The following CIP2A variants were observed in gnomAD, a reference collection of about 807,000 sequenced individuals.
CIP2A encodes protein CIP2A.
CIP2A carries 103 observed loss-of-function variants against 110.9 expected under a neutral mutation model. The ratio of observed to expected loss-of-function variants is 0.93; its 90% CI spans 0.79 to 1.09. The LOEUF is 1.09. CIP2A is among the 50% of genes least tolerant of loss of function. The pLI is 0.00. For missense variants in CIP2A, 1,088 were observed against 1,038.4 expected, an observed-to-expected ratio of 1.05 and a Z score of -0.66; for synonymous variants, 381 against 361.6, an observed-to-expected ratio of 1.05 and a Z score of -0.61.
intron 9 of CIP2A, 68 bp from the exon 10 acceptor site, chr3:108,568,382 C>T: frequency 7.5e-7 from 1 of 1,330,570 alleles, no homozygotes; most frequent in Non-Finnish European, 1.1e-6. Context: ...AAAGTCATCA[C>T]TGAATTGTAA....
chr3:108,555,706 C>T (rs1337990640), intron 17 of CIP2A, among the ~76,000 whole-genome samples: 1 of 152,220 alleles, frequency 6.6e-6, no homozygotes, highest in Non-Finnish European at 1.5e-5. Context: ...AGCTGCTCTT[C>T]CTTAACCAAC....
chr3:108,586,776 C>T (rs1174228329), intron 1 of CIP2A, among the ~76,000 whole-genome samples: 1 of 152,130 alleles, frequency 6.6e-6, no homozygotes, highest in Non-Finnish European at 1.5e-5. Flanking sequence ...TTAATCACTA[C>T]ACAAAATTAG....
chr3:108,554,437 GA>G lies in CIP2A; in HGVS notation c.2262del (p.Leu755Ter). ...KNKDLQITCD[S>X]LNKQIETVKK... ...TTCACTGTCTCAATTTGTTTATTCA[GA>G]GAATCACATGTGATCTGTAAATCTT... On this transcript the variant is annotated frameshift_variant, in exon 18 of 21. Transcript: ENST00000295746. LOFTEE classifies it high-confidence loss of function. 1 of 1,565,258 alleles carries G rather than the reference GA, an allele frequency of 6.4e-7. No individual in the cohort carries two copies. The highest frequency in any genetic ancestry group is 8.8e-7 in the Non-Finnish European group (1 of 1,141,010).
chr3:108,557,913 A>G (rs1369326491), intron 16 of CIP2A, among the ~76,000 whole-genome samples: 1 of 152,148 alleles, frequency 6.6e-6, no homozygotes, highest in African/African-American at 2.4e-5. Context: ...AACACTAAAA[A>G]AGCAGAAAAG....
intron 10 of CIP2A, 55 bp from the exon 11 acceptor site, chr3:108,566,693 T>A: frequency 8.7e-7 from 1 of 1,143,928 alleles, no homozygotes. Flanking sequence ...GTGTAAAAGA[T>A]AACATTCAGG....
chr3:108,557,274 C>T lies in CIP2A; in HGVS notation c.2154G>A (p.Glu718=). ...EHLFQHNRKL[E]SVAEEHEILT... is the part of the protein sequence containing the mutation. The stretch of plus-strand genomic sequence containing the variant: ...GTATTTCATGTTCTTCAGCCACAGA[C>T]TCTAACTTCCTATTATGTTGAAAGA... The change falls in exon 17 of 21, where the codon GAG becomes GAA. Residue 718 remains glutamate (E), a synonymous_variant. Coordinates refer to ENST00000295746, the MANE Select transcript of CIP2A (RefSeq NM_020890.3). 10 of 1,609,606 alleles carry T rather than the reference C, an allele frequency of 6.2e-6. No homozygotes were observed. Among genetic ancestry groups the T allele is most frequent in the Non-Finnish European group, 8.5e-6 (10 of 1,177,044 alleles).
chr3:108,569,562 G>C lies in CIP2A; in HGVS notation c.940C>G (p.His314Asp). The part of the protein sequence containing the change: ...LAFCSVTQLR[H>D]MLTQMMFEQS... ...TCAAACATCATCTGAGTGAGCATATGGCGCAGCTGAGTCACTGAACAGAAG... is the reference window on the plus strand; with the variant it reads ...TCAAACATCATCTGAGTGAGCATATCGCGCAGCTGAGTCACTGAACAGAAG... The change falls in exon 9 of 21, where the codon CAT (histidine) becomes GAT (aspartate). Residue 314 changes from histidine to aspartate, a missense_variant. By Grantham distance (81) the His-to-Asp change is moderately conservative. Coordinates refer to ENST00000295746, the MANE Select transcript of CIP2A (RefSeq NM_020890.3). 1 of 1,612,718 alleles carries C rather than the reference G, an allele frequency of 6.2e-7. No homozygotes were observed. The highest frequency in any genetic ancestry group is 8.5e-7 in the Non-Finnish European group (1 of 1,179,236).
chr3:108,575,519 C>CACATGTGT, intron 8 of CIP2A, among the ~76,000 whole-genome samples: 1 of 41,662 alleles, frequency 2.4e-5, no homozygotes, highest in Non-Finnish European at 6.2e-5. Context: ...TATACACATA[C>CACATGTGT]ATATATACAC....
At chr3:108,569,196 C>A (rs1938298474) in intron 9 of CIP2A, among the ~76,000 whole-genome samples, 193 bp downstream of exon 9, 1 of 4,362 alleles carries the variant, frequency 2.3e-4, no homozygotes. Context: ...ACACACTACT[C>A]AGTGAAAAAA....
Position 108,560,736 on chromosome 3 carries a change from T to G in CIP2A, c.1740A>C (p.Ser580=). ...WQSSNHSFPT[S]IKCLTPHLKD... is the part of the protein sequence containing the mutation. ...TCAAATGAGGAGTTAAACACTTTAT[T>G]GATGTTGGAAAACTGTGATTTGATG... The change falls in exon 14 of 21, where the codon TCA becomes TCC. Residue 580 remains serine, a synonymous_variant. Coordinates refer to ENST00000295746, the MANE Select transcript of CIP2A (RefSeq NM_020890.3). 2 of 1,612,398 alleles carry G rather than the reference T, an allele frequency of 1.2e-6. No homozygotes were observed. Among genetic ancestry groups the G allele is most frequent in the Non-Finnish European group, 1.7e-6 (2 of 1,178,646 alleles).
chr3:108,582,694 T>C (rs1049688436), intron 3 of CIP2A, among the ~76,000 whole-genome samples: 1 of 152,210 alleles, frequency 6.6e-6, no homozygotes, highest in Non-Finnish European at 1.5e-5. Context: ...TTAATATAAA[T>C]AGCTTATGTC....
At chr3:108,563,341 C>A in intron 12 of CIP2A, 97 bp from the exon 13 acceptor site, 1 of 734,674 alleles carries the variant, frequency 1.4e-6, no homozygotes, top group South Asian at 1.7e-5. Flanking sequence ...AATCTTAATT[C>A]TAGGCAAATT....
At position 108,579,132 on chromosome 3, in the gene CIP2A, G is replaced by A. The variant is rs1335433173; in HGVS notation, c.818+149C>T. The A allele has an allele frequency of 1.7e-5, 10 of 572,752 alleles. No individual in the cohort carries two copies. The East Asian group carries it at 3.1e-4, about 18-fold the overall frequency. The allele number at this position is 572,752 out of a possible 1,614,324, so 35.5% of individuals were successfully genotyped here. ...ATTTCAGTTCAGGAAAGAAAAAAGAGTGTGAGTAAAGCACATCAAAACATT... is the reference window on the plus strand; with the variant it reads ...ATTTCAGTTCAGGAAAGAAAAAAGAATGTGAGTAAAGCACATCAAAACATT... On this transcript the variant is annotated intron_variant, in intron 7 of 20. Transcript: ENST00000295746.
intron 3 of CIP2A, among the ~76,000 whole-genome samples, chr3:108,582,423 A>G (rs945299393): frequency 2.3e-4 from 35 of 152,202 alleles, no homozygotes; most frequent in African/African-American, 8.2e-4. Flanking sequence ...TTGTTCACTT[A>G]GTCATCTTAA....
chr3:108,584,869 T>C (rs1207187989), intron 2 of CIP2A, 196 bp downstream of exon 2: 1 of 420,718 alleles, frequency 2.4e-6, no homozygotes, highest in African/African-American at 2.0e-5. Flanking sequence ...CTAAATTCAG[T>C]GTAATCTATT....
intron 12 of CIP2A, among the ~76,000 whole-genome samples, chr3:108,563,556 T>C (rs1938080698): frequency 6.6e-6 from 1 of 152,006 alleles, no homozygotes; most frequent in Non-Finnish European, 1.5e-5. Flanking sequence ...GACTGATGTG[T>C]AGAATTAATG....
intron 17 of CIP2A, among the ~76,000 whole-genome samples, chr3:108,555,328 A>G (rs1043246310): frequency 2.0e-5 from 3 of 152,212 alleles, no homozygotes; most frequent in Non-Finnish European, 4.4e-5. Context: ...GAAAATCCTG[A>G]GTTCACTCAA....
At chr3:108,557,930 G>A (rs1000791394) in intron 16 of CIP2A, among the ~76,000 whole-genome samples, 2 of 152,100 alleles carry the variant, frequency 1.3e-5, no homozygotes, top group Non-Finnish European at 2.9e-5. Flanking sequence ...AAAGTCGCTA[G>A]AATAAAAAGT....
At chr3:108,577,990 T>C (rs1938738136) in intron 7 of CIP2A, among the ~76,000 whole-genome samples, 1 of 152,186 alleles carries the variant, frequency 6.6e-6, no homozygotes, top group Non-Finnish European at 1.5e-5. Context: ...GGTAAAGTTG[T>C]GTGATTTTCT....
Sources: allele counts gnomAD v4.1 joint callset (sites outside exome capture counted in the v4.1 genomes callset), GRCh38; gene constraint gnomAD v4.1.1; transcripts MANE v1.5; gene names NCBI Gene and HGNC (gene_info 2026-07-23, HGNC 2026-07-21).